The following ASB1 variants were observed in gnomAD, a reference collection of about 807,000 sequenced individuals.
ASB1 encodes ankyrin repeat and SOCS box protein 1.
In ASB1, 18 loss-of-function variants were observed where a neutral mutation model predicts 27.7. That is an observed-to-expected ratio of 0.65 (90% CI 0.45 to 0.96). The LOEUF (loss-of-function observed/expected upper bound fraction) is 0.96. Among genes scored for constraint, ASB1 ranks in the 50% least tolerant of loss-of-function variants. ASB1 has a pLI of 0.00. For missense variants in ASB1, 397 were observed against 451.7 expected (o/e 0.88, Z 1.10); for synonymous variants, 189 against 187.6 (o/e 1.01, Z -0.06).
At chr2:238,440,955 T>G (rs1042817688) in intron 3 of ASB1, among the ~76,000 whole-genome samples, 7 of 152,164 alleles carry the variant, frequency 4.6e-5, no homozygotes, top group African/African-American at 1.7e-4. Context: ...GACGCTGCCC[T>G]GCCGACAAGC....
In ASB1 at chr2:238,433,638, C is replaced by T. The variant is rs1303384238; in HGVS notation, c.134C>T (p.Ala45Val). The change falls in exon 2 of 5, where the codon GCT (alanine) becomes GTT (valine). Residue 45 changes from alanine (A) to valine (V), a missense_variant. Coordinates refer to ENST00000264607, the MANE Select transcript of ASB1 (RefSeq NM_001040445.3). ...HCEDTRLHDA[A>V]YVGDLQTLRS... ...GAGGACACGAGGCTCCATGATGCAG[C>T]TTACGTCGGGGACCTCCAGACCCTC... 2 of 1,614,004 alleles carry T rather than the reference C, an allele frequency of 1.2e-6. No homozygotes were observed. Among genetic ancestry groups the T allele is most frequent in the South Asian group, 1.1e-5 (1 of 91,086 alleles).
At chr2:238,433,769 G>T in intron 2 of ASB1, 74 bp downstream of exon 2, 2 of 1,545,652 alleles carry the variant, frequency 1.3e-6, no homozygotes, top group East Asian at 2.3e-5. Context: ...CCCCACAGTC[G>T]CTGTGCAGAT....
At position 238,450,048 on chromosome 2, in the gene ASB1, A is replaced by G. The variant is rs1460974718; in HGVS notation, c.*3537A>G. 1 of 152,280 alleles carries G rather than the reference A, an allele frequency of 6.6e-6. No individual in the cohort carries two copies. The highest frequency in any genetic ancestry group is 2.4e-5 in the African/African-American group (1 of 41,460). The allele number at this position is 152,280 out of a possible 1,614,324, so 9.4% of individuals were successfully genotyped here. On this transcript the variant is annotated 3_prime_UTR_variant, in exon 5 of 5. Transcript: ENST00000264607. Reference sequence around the variant, plus strand: ...TTCTGGCAGGGTTTTGTGGGGTCACATGGGAAGCAATGTGTTACGCAAGCA... The same window carrying G: ...TTCTGGCAGGGTTTTGTGGGGTCACGTGGGAAGCAATGTGTTACGCAAGCA...
At chr2:238,445,081 A>G (rs1463191655) in intron 4 of ASB1, among the ~76,000 whole-genome samples, 1 of 147,888 alleles carries the variant, frequency 6.8e-6, no homozygotes, top group Non-Finnish European at 1.5e-5. Context: ...TCCTGGGCTC[A>G]TGCAATCCTC....
Position 238,434,204 on chromosome 2 carries a change from G to C in ASB1, c.191+509G>C, listed in dbSNP as rs538494184. ...CTTCTCCTTTCTGTTCCCCTCATCA[G>C]TGGTCCCCTGTCCTGGCCTTGCCAA... On this transcript the variant is annotated intron_variant, in intron 2 of 4. Coordinates refer to ENST00000264607, the MANE Select transcript of ASB1 (RefSeq NM_001040445.3). Among the ~76,000 whole-genome samples the C allele has an allele frequency of 7.2e-5, 11 of 152,310 alleles. No homozygotes were observed. The Middle Eastern group carries it at 0.014, about 188-fold the overall frequency.
chr2:238,437,963 G>A (rs1260254744), intron 3 of ASB1, among the ~76,000 whole-genome samples: 6 of 152,190 alleles, frequency 3.9e-5, no homozygotes, highest in Non-Finnish European at 8.8e-5. Context: ...AAAGCTGCAA[G>A]GCTTTTTCCC....
At chr2:238,428,960 G>C (rs971680301) in intron 1 of ASB1, among the ~76,000 whole-genome samples, 4 of 152,176 alleles carry the variant, frequency 2.6e-5, no homozygotes, top group African/African-American at 9.7e-5. Context: ...AACCGCAACT[G>C]TGGAGTAATT....
In ASB1 at chr2:238,435,913, G is replaced by A. The variant is rs1007898991; in HGVS notation, c.394G>A (p.Glu132Lys). ...GHLESTQILLEAGADPNGSRH... is the reference protein window; with the variant it reads ...GHLESTQILLKAGADPNGSRH... ...CCTAGAGAGTACCCAGATCCTTCTC[G>A]AAGCTGGCGCGGACCCCAACGGAAG... Residue 132 changes from glutamate (E) to lysine (K), a missense_variant, in exon 3 of 5, where the codon GAA becomes AAA. Glu to Lys is a moderately conservative substitution (Grantham distance 56). Transcript: ENST00000264607. 30 of 1,614,074 alleles carry A rather than the reference G, an allele frequency of 1.9e-5. No homozygotes were observed. The highest frequency in any genetic ancestry group is 5.0e-5 in the Admixed American group (3 of 60,008).
intron 4 of ASB1, among the ~76,000 whole-genome samples, chr2:238,445,388 G>T (rs1246870137): frequency 6.6e-6 from 1 of 152,192 alleles, no homozygotes; most frequent in Non-Finnish European, 1.5e-5. Flanking sequence ...CAAATTGCAA[G>T]CGGGGCTTTC....
chr2:238,434,843 T>C (rs1701936431), intron 2 of ASB1, among the ~76,000 whole-genome samples: 1 of 152,260 alleles, frequency 6.6e-6, no homozygotes, highest in Non-Finnish European at 1.5e-5. Context: ...AGGGCATCTC[T>C]GGTTCTTTAC....
Position 238,444,336 on chromosome 2 carries a change from C to A in ASB1, c.495-6C>A. The A allele has an allele frequency of 6.3e-7, 1 of 1,596,842 alleles. No homozygotes were observed. The highest frequency in any genetic ancestry group is 8.6e-7 in the Non-Finnish European group (1 of 1,167,614). The stretch of plus-strand genomic sequence containing the variant: ...CACAGTCTGACTTTCCCTTTCTTCC[C>A]TGCAGGTACGGGGCTGATGTTGACG... On this transcript the variant is annotated splice_polypyrimidine_tract_variant and splice_region_variant and intron_variant, in intron 3 of 4. Transcript: ENST00000264607.
In ASB1 at chr2:238,444,684, A is replaced by G; in HGVS notation, c.837A>G (p.Arg279=). The G allele has an allele frequency of 6.2e-7, 1 of 1,614,048 alleles. No homozygotes were observed. Among genetic ancestry groups the G allele is most frequent in the South Asian group, 1.1e-5 (1 of 91,080 alleles). The change falls in exon 4 of 5, where the codon AGA becomes AGG. Residue 279 remains arginine, a synonymous_variant. Coordinates refer to ENST00000264607, the MANE Select transcript of ASB1 (RefSeq NM_001040445.3). The part of the protein sequence containing the change: ...ESLGPESRGR[R]KVDPEALQVF... ...TGGGCCCAGAGTCGAGAGGAAGAAG[A>G]AAAGTGGACCCTGAGGCCTTGCAGG...
At chr2:238,441,137 ATTTT>A (rs35579640) in intron 3 of ASB1, among the ~76,000 whole-genome samples, 1 of 141,908 alleles carries the variant, frequency 7.0e-6, no homozygotes, top group Non-Finnish European at 1.5e-5. Flanking sequence ...TTTGCTTTCA[ATTTT>A]TTTTTTTTTT....
At chr2:238,433,055 A>C (rs1167771321) in intron 1 of ASB1, among the ~76,000 whole-genome samples, 1 of 151,944 alleles carries the variant, frequency 6.6e-6, no homozygotes, top group African/African-American at 2.4e-5. Context: ...TCAATCTGCT[A>C]ATTTTTTCTT....
rs1702223347 is a variant in ASB1, at chr2:238,448,601, T to G, written c.*2090T>G. ...TCTGCGTCTGCTCTACTGAGTACTTTCTGCAGGGGCCTGTTAAGGACGAGG... is the reference window on the plus strand; with the variant it reads ...TCTGCGTCTGCTCTACTGAGTACTTGCTGCAGGGGCCTGTTAAGGACGAGG... On this transcript the variant is annotated 3_prime_UTR_variant, in exon 5 of 5. Transcript: ENST00000264607. The G allele has an allele frequency of 6.6e-6, 1 of 152,286 alleles. No homozygotes were observed. The highest frequency in any genetic ancestry group is 2.4e-5 in the African/African-American group (1 of 41,454). 9.4% of individuals were successfully genotyped at this position (152,286 alleles called of 1,614,324 possible).
intron 4 of ASB1, among the ~76,000 whole-genome samples, chr2:238,446,179 A>G (rs1702176860): frequency 6.6e-6 from 1 of 152,240 alleles, no homozygotes; most frequent in Non-Finnish European, 1.5e-5. Flanking sequence ...CTGCGACAGA[A>G]GGAGCAGATA....
intron 2 of ASB1, chr2:238,435,411 A>G (rs1701948480): frequency 2.6e-6 from 1 of 385,424 alleles, no homozygotes; most frequent in South Asian, 3.0e-5. Context: ...CCACCTTTGT[A>G]GAGGAAGGCA....
intron 1 of ASB1, 174 bp from the exon 2 acceptor site, chr2:238,433,380 C>A: frequency 1.4e-6 from 1 of 708,296 alleles, no homozygotes; most frequent in South Asian, 1.9e-5. Context: ...GCCTCAGCCT[C>A]CTGAGTAGCT....
chr2:238,440,523 C>T (rs1338220769), intron 3 of ASB1, among the ~76,000 whole-genome samples: 1 of 152,168 alleles, frequency 6.6e-6, no homozygotes, highest in Non-Finnish European at 1.5e-5. Flanking sequence ...CACCAGCCAG[C>T]CCCCCTTTTG....
Sources: gnomAD v4.1 joint callset for allele counts (sites outside exome capture counted in the v4.1 genomes callset) on GRCh38, gnomAD v4.1.1 for gene constraint, MANE v1.5 for transcripts, NCBI Gene and HGNC (gene_info 2026-07-23, HGNC 2026-07-21) for gene names.